Variants in PAPPA2 observed in about 807,000 individuals in gnomAD.
PAPPA2 encodes the protein pappalysin 2.
In PAPPA2, 86 loss-of-function variants were observed where a neutral mutation model predicts 176.4. That is an observed-to-expected ratio of 0.49 (90% CI 0.41 to 0.58). The LOEUF is 0.58. PAPPA2 is among the 20% of genes least tolerant of loss of function. The pLI is 0.00. For synonymous variants in PAPPA2, 809 were observed against 852.2 expected (o/e 0.95, Z 0.88); for missense variants, 2,073 against 2,256.9 (o/e 0.92, Z 1.65).
At chr1:176,627,083 G>A (rs1023727169) in intron 3 of PAPPA2, among the ~76,000 whole-genome samples, 1 of 151,756 alleles carries the variant, frequency 6.6e-6, no homozygotes, top group South Asian at 2.1e-4. Flanking sequence ...AATAATTCAG[G>A]CCTGTACATC....
intron 3 of PAPPA2, among the ~76,000 whole-genome samples, chr1:176,669,995 T>C (rs953541): frequency 6.6e-6 from 1 of 152,054 alleles, no homozygotes; most frequent in South Asian, 2.1e-4. Flanking sequence ...GACGCTGTGA[T>C]AGGAACATTC....
intron 17 of PAPPA2, among the ~76,000 whole-genome samples, chr1:176,783,650 C>T (rs190148820): frequency 1.7e-3 from 252 of 152,252 alleles, no homozygotes; most frequent in Non-Finnish European, 2.9e-3. Context: ...CCCGACTCCT[C>T]GTGATACCAT....
In PAPPA2 at chr1:176,800,053, C is replaced by T. The variant is rs762098579; in HGVS notation, c.5131-8C>T. On this transcript the variant is annotated splice_region_variant and splice_polypyrimidine_tract_variant and intron_variant, in intron 20 of 22. Transcript: ENST00000367662. ...TTTGTTTTCTGTTTTTCCCGTCTTT[C>T]CCCTTAGAGCATTGTGTGCACTGGC... The T allele has an allele frequency of 1.2e-6, 2 of 1,613,864 alleles. No individual in the cohort carries two copies. Among genetic ancestry groups the T allele is most frequent in the Admixed American group, 3.3e-5 (2 of 60,002 alleles).
At chr1:176,731,404 A>G (rs1662134714) in intron 12 of PAPPA2, among the ~76,000 whole-genome samples, 1 of 151,856 alleles carries the variant, frequency 6.6e-6, no homozygotes, top group African/African-American at 2.4e-5. Context: ...GGTTCAAGCA[A>G]TTCTCTTTTC....
intron 3 of PAPPA2, among the ~76,000 whole-genome samples, chr1:176,619,508 T>C (rs1462374462): frequency 6.6e-6 from 1 of 152,220 alleles, no homozygotes; most frequent in Admixed American, 6.5e-5. Context: ...TAACAATGTC[T>C]ACTATGGATA....
intron 10 of PAPPA2, among the ~76,000 whole-genome samples, chr1:176,707,131 A>G (rs1302055034): frequency 6.6e-6 from 1 of 152,220 alleles, no homozygotes; most frequent in East Asian, 1.9e-4. Flanking sequence ...TTCCATTGTC[A>G]TCTGCATAGA....
At chr1:176,690,094 T>C (rs1180309717) in intron 4 of PAPPA2, 43 bp from the exon 5 acceptor site, 3 of 1,501,852 alleles carry the variant, frequency 2.0e-6, no homozygotes, top group Non-Finnish European at 2.7e-6. Flanking sequence ...TGGAGAGCTA[T>C]TCATTCTGTG....
rs1665289943 is a variant in PAPPA2, at chr1:176,793,689, T to TA, written c.5130+21dup. 7 of 1,546,232 alleles carry TA rather than the reference T, an allele frequency of 4.5e-6. No individual in the cohort carries two copies. Among genetic ancestry groups the TA allele is most frequent in the Non-Finnish European group, 6.2e-6 (7 of 1,126,604 alleles). On this transcript the variant is annotated intron_variant, in intron 20 of 22. Transcript: ENST00000367662. ...GTCCAGGTGAGGAAAGGGACATTGT[T>TA]ATGTGCCAAAGACATGAGTCTGCTG...
chr1:176,569,378 T>C (rs952176180), intron 2 of PAPPA2, among the ~76,000 whole-genome samples: 5 of 152,222 alleles, frequency 3.3e-5, no homozygotes, highest in African/African-American at 4.8e-5. Context: ...GAATTGTTCT[T>C]ATTTAACCCC....
intron 19 of PAPPA2, 27 bp from the exon 20 acceptor site, chr1:176,793,533 C>A: frequency 6.4e-7 from 1 of 1,557,750 alleles, no homozygotes; most frequent in South Asian, 1.1e-5. Flanking sequence ...AAGTTCAAGT[C>A]TCTGCTGTAA....
rs1159256910 is a variant in PAPPA2 at position 176,550,799 on chromosome 1, A to G, written c.-916-4608A>G. ...TCTTGGCTCAAAACGCACAGGGAAGAGGGTGAAATCCAGATTTGCATTTCC... is the reference window on the plus strand; with the variant it reads ...TCTTGGCTCAAAACGCACAGGGAAGGGGGTGAAATCCAGATTTGCATTTCC... On this transcript the variant is annotated intron_variant, in intron 1 of 22. Coordinates refer to ENST00000367662, the MANE Select transcript of PAPPA2 (RefSeq NM_020318.3). Among the ~76,000 whole-genome samples, 4 of 152,198 alleles carry G rather than the reference A, an allele frequency of 2.6e-5. No homozygotes were observed. The South Asian group carries it at 6.2e-4, about 24-fold the overall frequency.
intron 1 of PAPPA2, among the ~76,000 whole-genome samples, chr1:176,493,909 A>G (rs1019226209): frequency 2.6e-5 from 4 of 152,222 alleles, no homozygotes; most frequent in African/African-American, 9.6e-5. Flanking sequence ...CATCTTAGTT[A>G]GAGAATTTTT....
At chr1:176,758,933 C>T (rs1222390258) in intron 14 of PAPPA2, among the ~76,000 whole-genome samples, 1 of 152,150 alleles carries the variant, frequency 6.6e-6, no homozygotes, top group Non-Finnish European at 1.5e-5. Flanking sequence ...AGTTCAACCC[C>T]ATCATTTTAC....
chr1:176,824,299 A>G (rs1041552534), intron 21 of PAPPA2, among the ~76,000 whole-genome samples: 1 of 152,216 alleles, frequency 6.6e-6, no homozygotes, highest in Non-Finnish European at 1.5e-5. Flanking sequence ...CTGGTTAACC[A>G]GCTTCTAGTT....
chr1:176,753,349 T>C (rs1663267973), intron 14 of PAPPA2, among the ~76,000 whole-genome samples: 1 of 152,170 alleles, frequency 6.6e-6, no homozygotes, highest in African/African-American at 2.4e-5. Context: ...GCTTTATTTT[T>C]CCCTGGAACC....
intron 3 of PAPPA2, among the ~76,000 whole-genome samples, chr1:176,601,494 G>A (rs1426335601): frequency 1.3e-5 from 2 of 152,114 alleles, no homozygotes; most frequent in Non-Finnish European, 2.9e-5. Flanking sequence ...CCTATCAAAG[G>A]GAGAGTACTT....
intron 20 of PAPPA2, among the ~76,000 whole-genome samples, chr1:176,796,844 CCT>C (rs1188095224): frequency 4.0e-5 from 6 of 150,022 alleles, no homozygotes; most frequent in African/African-American, 7.4e-5. Context: ...TTTCTGACCC[CCT>C]CTCTCTCTCC....
At chr1:176,800,716 A>G (rs1253198275) in intron 21 of PAPPA2, among the ~76,000 whole-genome samples, 2 of 152,022 alleles carry the variant, frequency 1.3e-5, no homozygotes, top group Non-Finnish European at 2.9e-5. Context: ...CAGGTGGGCA[A>G]CTCTCTCCAG....
intron 1 of PAPPA2, among the ~76,000 whole-genome samples, chr1:176,534,492 A>G (rs1484731000): frequency 6.6e-6 from 1 of 152,230 alleles, no homozygotes; most frequent in Non-Finnish European, 1.5e-5. Flanking sequence ...TATTGTAAGG[A>G]TCGGCTGCCT....
Sources: gnomAD v4.1 joint callset for allele counts (sites outside exome capture counted in the v4.1 genomes callset) on GRCh38, gnomAD v4.1.1 for gene constraint, MANE v1.5 for transcripts, NCBI Gene and HGNC (gene_info 2026-07-23, HGNC 2026-07-21) for gene names.